FNBP1L: variants seen among roughly 807,000 people sequenced by gnomAD.
The protein encoded by FNBP1L is formin-binding protein 1-like.
In FNBP1L, 36 loss-of-function variants were observed where a neutral mutation model predicts 91.2. The observed-to-expected ratio is 0.39, with a 90% confidence interval of 0.30 to 0.52. FNBP1L has a LOEUF of 0.52. Ranked by LOEUF, FNBP1L falls within the 20% of genes least tolerant of loss-of-function variation. The pLI, the probability that FNBP1L is intolerant of heterozygous loss-of-function variation, is 0.66. For missense variants in FNBP1L, 571 were observed against 732.1 expected, an observed-to-expected ratio of 0.78 and a Z score of 2.54; for synonymous variants, 242 against 237.0, an observed-to-expected ratio of 1.02 and a Z score of -0.19.
intron 16 of FNBP1L, chr1:93,551,647 A>G (rs1307075644): frequency 3.6e-5 from 35 of 984,846 alleles, no homozygotes; most frequent in Non-Finnish European, 4.2e-5. Flanking sequence ...TTTCTTACCT[A>G]TTCTTAACTT....
rs12126293 is a variant in FNBP1L, at chr1:93,469,166, A to G, written c.24+20861A>G. 8.5e-3 allele frequency among the ~76,000 whole-genome samples: 1,286 copies of G among 152,086 alleles called. 10 individuals are homozygous for G. Among genetic ancestry groups the G allele is most frequent in the Non-Finnish European group, 0.012 (794 of 68,012 alleles). On this transcript the variant is annotated intron_variant, in intron 1 of 16. Coordinates refer to ENST00000271234, the MANE Select transcript of FNBP1L (RefSeq NM_001164473.3). ...TTTGTTACATAGGTATACATGTGCC[A>G]TGTTGGTTTGCTGCACCCATCAACT... is the stretch of plus-strand genomic sequence containing the variant.
At chr1:93,460,565 A>T (rs1446525219) in intron 1 of FNBP1L, among the ~76,000 whole-genome samples, 1 of 152,250 alleles carries the variant, frequency 6.6e-6, no homozygotes, top group Non-Finnish European at 1.5e-5. Context: ...AATCCCAGGC[A>T]CATGTTTTCA....
intron 1 of FNBP1L, among the ~76,000 whole-genome samples, chr1:93,461,624 C>T (rs1668868754): frequency 6.6e-6 from 1 of 152,010 alleles, no homozygotes; most frequent in African/African-American, 2.4e-5. Flanking sequence ...TCTAGAAACC[C>T]TACAAAAAAC....
intron 2 of FNBP1L, among the ~76,000 whole-genome samples, chr1:93,502,224 G>A (rs768408401): frequency 4.7e-4 from 71 of 152,190 alleles, no homozygotes; most frequent in African/African-American, 1.2e-3. Context: ...AATGATTACC[G>A]TTGTGGAACC....
chr1:93,524,024 CT>C (rs1261753388), intron 4 of FNBP1L, among the ~76,000 whole-genome samples: 1 of 151,986 alleles, frequency 6.6e-6, no homozygotes, highest in Non-Finnish European at 1.5e-5. Context: ...GAAATTGTAT[CT>C]GTTTTCAAGG....
At position 93,499,513 on chromosome 1, in the gene FNBP1L, T is replaced by A. The variant is rs769246282; in HGVS notation, c.70T>A (p.Phe24Ile). Reference sequence around the variant, plus strand: ...CAAGCATACACAATGGGGAATTGACTTCTTGGAAAGATATGCCAAATTTGT... The same window carrying A: ...CAAGCATACACAATGGGGAATTGACATCTTGGAAAGATATGCCAAATTTGT... Reference protein sequence around the residue: ...LDKHTQWGIDFLERYAKFVKE... With the variant: ...LDKHTQWGIDILERYAKFVKE... Residue 24 changes from phenylalanine (F) to isoleucine (I), a missense_variant, in exon 2 of 17, where the codon TTC becomes ATC. Phe to Ile is a conservative substitution (Grantham distance 21). Around this residue, in one of 5 missense-constraint regions of FNBP1L, gnomAD observed 220 missense variants for 313.6 expected, o/e 0.70. Coordinates refer to ENST00000271234, the MANE Select transcript of FNBP1L (RefSeq NM_001164473.3). The A allele has an allele frequency of 1.2e-6, 2 of 1,606,726 alleles. No individual in the cohort carries two copies. Among genetic ancestry groups the A allele is most frequent in the Non-Finnish European group, 1.7e-6 (2 of 1,176,754 alleles).
intron 6 of FNBP1L, among the ~76,000 whole-genome samples, chr1:93,530,544 A>T (rs1053449812): frequency 6.6e-5 from 10 of 152,104 alleles, no homozygotes; most frequent in Non-Finnish European, 4.4e-5. Context: ...TAATAAGGAG[A>T]CCACTCTGAC....
At chr1:93,452,303 C>A (rs1668523494) in intron 1 of FNBP1L, among the ~76,000 whole-genome samples, 1 of 152,086 alleles carries the variant, frequency 6.6e-6, no homozygotes, top group South Asian at 2.1e-4. Context: ...TTCTGAAGGC[C>A]TTTGTAGATG....
intron 7 of FNBP1L, 75 bp downstream of exon 7, chr1:93,530,958 A>G (rs1671655862): frequency 1.7e-6 from 2 of 1,208,008 alleles, no homozygotes; most frequent in Non-Finnish European, 1.1e-6. Flanking sequence ...AGTCTTAGAC[A>G]TCAGAATCTT....
intron 14 of FNBP1L, among the ~76,000 whole-genome samples, chr1:93,548,242 AG>A (rs1405806220): frequency 1.3e-5 from 2 of 152,206 alleles, no homozygotes; most frequent in Non-Finnish European, 2.9e-5. Context: ...TCAGATTAAA[AG>A]GATCTAATTT....
chr1:93,459,965 GTGTGTGTGTGTGTT>G (rs1196171460), intron 1 of FNBP1L, among the ~76,000 whole-genome samples: 1 of 149,714 alleles, frequency 6.7e-6, no homozygotes, highest in Non-Finnish European at 1.5e-5. Flanking sequence ...GTGTGTGTGT[GTGTGTGTGTGTGTT>G]TTTGGGATAT....
At position 93,554,412 on chromosome 1, in the gene FNBP1L, G is replaced by A. The variant is rs1428618111; in HGVS notation, c.*1996G>A. The A allele has an allele frequency of 6.6e-6, 1 of 152,648 alleles. No homozygotes were observed. The highest frequency in any genetic ancestry group is 1.5e-5 in the Non-Finnish European group (1 of 68,044). 9.5% of individuals were successfully genotyped at this position (152,648 alleles called of 1,614,324 possible). On this transcript the variant is annotated 3_prime_UTR_variant, in exon 17 of 17. Transcript: ENST00000271234. ...CAGGATTTGCTTCCGTAGGAGGCAA[G>A]TTCCTTGATGTGGAATAGTGCAACC...
At chr1:93,460,174 G>T (rs538139900) in intron 1 of FNBP1L, among the ~76,000 whole-genome samples, 2 of 152,200 alleles carry the variant, frequency 1.3e-5, no homozygotes, top group Non-Finnish European at 2.9e-5. Context: ...CCTTTAAGAA[G>T]TGATTAGTCT....
At chr1:93,456,647 G>A (rs953691896) in intron 1 of FNBP1L, among the ~76,000 whole-genome samples, 1 of 150,834 alleles carries the variant, frequency 6.6e-6, no homozygotes, top group Non-Finnish European at 1.5e-5. Flanking sequence ...GGGCGTGGTG[G>A]TGGGCACCTG....
intron 1 of FNBP1L, among the ~76,000 whole-genome samples, chr1:93,497,648 C>T (rs1267527237): frequency 6.6e-6 from 1 of 152,156 alleles, no homozygotes; most frequent in Non-Finnish European, 1.5e-5. Flanking sequence ...GAGACAGAGT[C>T]TCACTCTATT....
intron 2 of FNBP1L, among the ~76,000 whole-genome samples, chr1:93,515,014 A>G (rs557275917): frequency 1.3e-5 from 2 of 152,314 alleles, no homozygotes; most frequent in East Asian, 1.9e-4. Flanking sequence ...TTCGCAACCT[A>G]CTCATCTGAC....
chr1:93,450,486 A>G (rs1668457772), intron 1 of FNBP1L, among the ~76,000 whole-genome samples: 1 of 152,154 alleles, frequency 6.6e-6, no homozygotes, highest in Non-Finnish European at 1.5e-5. Flanking sequence ...TGAAACTTAG[A>G]TAAGCAGAAC....
rs1304680673 is a variant in FNBP1L at position 93,552,482 on chromosome 1, G to A, written c.*66G>A. The A allele has an allele frequency of 1.3e-6, 2 of 1,582,926 alleles. No homozygotes were observed. Among genetic ancestry groups the A allele is most frequent in the Admixed American group, 1.7e-5 (1 of 57,534 alleles). The stretch of plus-strand genomic sequence containing the variant: ...TACATGCAGCTGCTTTTGGGGGAGG[G>A]TATTAGAGTTGTCAGGCTCAAAGAG... On this transcript the variant is annotated 3_prime_UTR_variant, in exon 17 of 17. Transcript: ENST00000271234.
At position 93,539,015 on chromosome 1, in the gene FNBP1L, AAT is replaced by A. The variant is rs1431751577; in HGVS notation, c.1150-2026_1150-2025del. 1.9e-4 allele frequency among the ~76,000 whole-genome samples: 29 copies of A among 152,060 alleles called. 1 individual carries two copies. Among genetic ancestry groups the A allele is most frequent in the Admixed American group, 1.9e-3 (29 of 15,256 alleles). On this transcript the variant is annotated intron_variant, in intron 10 of 16. Transcript: ENST00000271234. Reference sequence around the variant, plus strand: ...TCTGTGACATTAAGTTCTAACCGTTAATGGATATTTGAGGATATACTCGAACT... The same window carrying A: ...TCTGTGACATTAAGTTCTAACCGTTAGGATATTTGAGGATATACTCGAACT...
Sources: allele counts gnomAD v4.1 joint callset (sites outside exome capture counted in the v4.1 genomes callset), GRCh38; gene constraint gnomAD v4.1.1; regional missense constraint gnomAD v4.1.1; transcripts MANE v1.5; gene names NCBI Gene and HGNC (gene_info 2026-07-23, HGNC 2026-07-21).